Variants in SLC35F1 observed in about 807,000 individuals in gnomAD.
The protein encoded by SLC35F1 is chromosome 6 open reading frame 169.
SLC35F1 carries 14 observed loss-of-function variants against 48.7 expected under a neutral mutation model. The observed-to-expected ratio is 0.29, with a 90% CI of 0.19 to 0.45. The LOEUF is 0.45. Ranked by LOEUF, SLC35F1 falls within the 20% of genes least tolerant of loss-of-function variation. SLC35F1 has a pLI of 1.00. For missense variants in SLC35F1, 404 were observed against 500.0 expected (o/e 0.81, Z 1.83); for synonymous variants, 190 against 202.2 (o/e 0.94, Z 0.51).
At chr6:118,196,638 C>T (rs1388001490) in intron 2 of SLC35F1, among the ~76,000 whole-genome samples, 1 of 151,962 alleles carries the variant, frequency 6.6e-6, no homozygotes, top group African/African-American at 2.4e-5. Flanking sequence ...ATCACTTGAA[C>T]CCGGGAGGTA....
At chr6:118,190,997 A>G (rs963233108) in intron 2 of SLC35F1, among the ~76,000 whole-genome samples, 14 of 152,174 alleles carry the variant, frequency 9.2e-5, no homozygotes, top group African/African-American at 3.4e-4. Flanking sequence ...TAGCCTTTAC[A>G]GTAGAATCTG....
At chr6:117,948,880 A>C (rs182007877) in intron 1 of SLC35F1, among the ~76,000 whole-genome samples, 307 of 152,174 alleles carry the variant, frequency 2.0e-3, no homozygotes, top group Non-Finnish European at 3.6e-3. Flanking sequence ...TTTCTCGGGG[A>C]CTAAGACAGC....
chr6:118,262,730 A>G (rs899527292), intron 3 of SLC35F1, among the ~76,000 whole-genome samples: 2 of 152,202 alleles, frequency 1.3e-5, no homozygotes, highest in African/African-American at 2.4e-5. Context: ...TAAAAATAAC[A>G]TAATCGTTTT....
At chr6:117,928,264 G>A (rs544702542) in intron 1 of SLC35F1, among the ~76,000 whole-genome samples, 82 of 152,198 alleles carry the variant, frequency 5.4e-4, no homozygotes, top group African/African-American at 1.8e-3. Flanking sequence ...AAGAGATGGC[G>A]GGTAGACACT....
intron 2 of SLC35F1, among the ~76,000 whole-genome samples, chr6:118,193,438 G>A (rs553292867): frequency 8.5e-5 from 13 of 152,216 alleles, no homozygotes; most frequent in African/African-American, 3.1e-4. Context: ...TTATAAGATT[G>A]ATTTTTCACA....
intron 1 of SLC35F1, among the ~76,000 whole-genome samples, chr6:117,938,844 C>T (rs1776192771): frequency 6.6e-6 from 1 of 151,776 alleles, no homozygotes; most frequent in South Asian, 2.1e-4. Context: ...ATGCTATCCC[C>T]CTCCCCCGCC....
intron 2 of SLC35F1, among the ~76,000 whole-genome samples, chr6:118,217,161 G>C (rs144270630): frequency 6.6e-6 from 1 of 152,282 alleles, no homozygotes; most frequent in East Asian, 1.9e-4. Flanking sequence ...TGAAATCAGA[G>C]ACTTGAACAG....
chr6:118,243,429 C>A (rs139419216), intron 3 of SLC35F1, among the ~76,000 whole-genome samples: 108 of 152,290 alleles, frequency 7.1e-4, no homozygotes, highest in Non-Finnish European at 1.1e-3. Flanking sequence ...GCCTGGGCAA[C>A]ATAGCAGGAC....
At chr6:118,153,222 T>G (rs1774089328) in intron 1 of SLC35F1, among the ~76,000 whole-genome samples, 1 of 152,084 alleles carries the variant, frequency 6.6e-6, no homozygotes, top group African/African-American at 2.4e-5. Context: ...AGCTTTTTGT[T>G]TAGAAATCAT....
At chr6:118,247,164 C>T (rs1475249620) in intron 3 of SLC35F1, among the ~76,000 whole-genome samples, 1 of 152,218 alleles carries the variant, frequency 6.6e-6, no homozygotes, top group South Asian at 2.1e-4. Flanking sequence ...TCTTGGATAA[C>T]AAATTTAAGA....
At chr6:118,085,029 G>C (rs575360693) in intron 1 of SLC35F1, among the ~76,000 whole-genome samples, 1 of 152,214 alleles carries the variant, frequency 6.6e-6, no homozygotes, top group East Asian at 1.9e-4. Flanking sequence ...GTTGTAGGTA[G>C]CCTGGGTGGT....
intron 1 of SLC35F1, among the ~76,000 whole-genome samples, chr6:118,132,422 G>A (rs199733544): frequency 3.3e-5 from 5 of 152,164 alleles, no homozygotes; most frequent in East Asian, 3.8e-4. Flanking sequence ...TTCAGATTAC[G>A]TTTTTTTGCC....
intron 1 of SLC35F1, among the ~76,000 whole-genome samples, chr6:117,975,374 C>T (rs116923719): frequency 0.01 from 1,543 of 152,194 alleles, 10 homozygotes; most frequent in Non-Finnish European, 0.016. Flanking sequence ...ATTTAGAGTC[C>T]GCTAACTGGG....
chr6:118,176,691 C>G (rs557199849), intron 2 of SLC35F1, among the ~76,000 whole-genome samples: 1 of 152,080 alleles, frequency 6.6e-6, no homozygotes, highest in African/African-American at 2.4e-5. Flanking sequence ...ACAAAGCTAA[C>G]GTAGCTAAGC....
chr6:118,116,380 G>C (rs527395919), intron 1 of SLC35F1, among the ~76,000 whole-genome samples: 1 of 152,164 alleles, frequency 6.6e-6, no homozygotes, highest in Admixed American at 6.6e-5. Context: ...TGGGCACACA[G>C]AGTCTAGTTT....
In SLC35F1 at chr6:117,975,740, A is replaced by C. The variant is rs567710078; in HGVS notation, c.173+67841A>C. ...TGCTGAAGTTGTAGTCTGTATTCTA[A>C]ATAATCTCCAATTTTATTTTGTTCC... On this transcript the variant is annotated intron_variant, in intron 1 of 7. Transcript: ENST00000360388. Among the ~76,000 whole-genome samples the C allele has an allele frequency of 1.1e-4, 16 of 152,310 alleles. No individual in the cohort carries two copies. The South Asian group carries it at 3.3e-3, about 32-fold the overall frequency.
chr6:118,198,467 T>C lies in SLC35F1; in HGVS notation c.350-37042T>C, dbSNP rs139032229. On this transcript the variant is annotated intron_variant, in intron 2 of 7. Coordinates refer to ENST00000360388, the MANE Select transcript of SLC35F1 (RefSeq NM_001029858.4). ...ACTTCCCTGAGCTATACATGAAAGA[T>C]TGAGTGTTTAAAATCTGAAAGCAAA... is the stretch of plus-strand genomic sequence containing the variant. 3.9e-5 allele frequency among the ~76,000 whole-genome samples: 6 copies of C among 152,308 alleles called. No individual in the cohort carries two copies. In the East Asian group the frequency reaches 5.8e-4, roughly 15 times the overall value.
chr6:117,948,057 C>T (rs1176570732), intron 1 of SLC35F1, among the ~76,000 whole-genome samples: 1 of 152,114 alleles, frequency 6.6e-6, no homozygotes, highest in African/African-American at 2.4e-5. Flanking sequence ...AGATTTAATT[C>T]ATGTTTCAAA....
At chr6:118,040,839 A>G (rs1772206155) in intron 1 of SLC35F1, among the ~76,000 whole-genome samples, 1 of 151,736 alleles carries the variant, frequency 6.6e-6, no homozygotes, top group Admixed American at 6.6e-5. Flanking sequence ...GAGTGTGAAC[A>G]CTTTTACATC....
Sources: allele counts gnomAD v4.1 joint callset (sites outside exome capture counted in the v4.1 genomes callset), GRCh38; gene constraint gnomAD v4.1.1; transcripts MANE v1.5; gene names NCBI Gene and HGNC (gene_info 2026-07-23, HGNC 2026-07-21).